TBC1D9: variants seen among roughly 807,000 people sequenced by gnomAD.
TBC1D9 encodes TBC1 domain family member 9.
A neutral mutation model predicts 132.0 loss-of-function variants in TBC1D9; 63 were observed. The ratio of observed to expected loss-of-function variants is 0.48; its 90% CI spans 0.39 to 0.59. TBC1D9 has a LOEUF of 0.59. TBC1D9 is among the 20% of genes least tolerant of loss of function. The pLI, the probability that TBC1D9 is intolerant of heterozygous loss-of-function variation, is 0.00. For synonymous variants in TBC1D9, 610 were observed against 609.9 expected, an observed-to-expected ratio of 1.00 and a Z score of 0.00; for missense variants, 1,261 against 1,592.7, an observed-to-expected ratio of 0.79 and a Z score of 3.54.
At chr4:140,695,391 G>T (rs1737937886) in intron 2 of TBC1D9, among the ~76,000 whole-genome samples, 1 of 152,176 alleles carries the variant, frequency 6.6e-6, no homozygotes, top group African/African-American at 2.4e-5. Flanking sequence ...GTAAAGAAAA[G>T]GGAAACTCAA....
intron 2 of TBC1D9, among the ~76,000 whole-genome samples, chr4:140,698,013 T>C (rs1738001225): frequency 6.6e-6 from 1 of 152,214 alleles, no homozygotes; most frequent in Non-Finnish European, 1.5e-5. Flanking sequence ...AGCGTCCTTT[T>C]CACACCGTCA....
intron 13 of TBC1D9, among the ~76,000 whole-genome samples, chr4:140,645,991 C>T (rs1375365933): frequency 6.6e-6 from 1 of 152,208 alleles, no homozygotes; most frequent in Non-Finnish European, 1.5e-5. Flanking sequence ...GAATTTAGCA[C>T]CACTTTGCAT....
intron 13 of TBC1D9, among the ~76,000 whole-genome samples, chr4:140,645,679 T>A (rs930392456): frequency 6.6e-6 from 1 of 152,230 alleles, no homozygotes; most frequent in Non-Finnish European, 1.5e-5. Flanking sequence ...TTCCAAGGCC[T>A]CTAAGCCCTT....
chr4:140,667,315 T>A (rs111330043), intron 9 of TBC1D9, among the ~76,000 whole-genome samples: 75 of 152,340 alleles, frequency 4.9e-4, no homozygotes, highest in African/African-American at 1.8e-3. Flanking sequence ...ATCTCTGAGA[T>A]AGGGCTGTGT....
At chr4:140,693,710 G>A (rs994061827) in intron 2 of TBC1D9, among the ~76,000 whole-genome samples, 10 of 152,210 alleles carry the variant, frequency 6.6e-5, no homozygotes, top group African/African-American at 2.4e-4. Context: ...GAAACTAGCT[G>A]TTTAACTATT....
At chr4:140,746,453 A>G (rs753927805) in intron 1 of TBC1D9, among the ~76,000 whole-genome samples, 35 of 152,152 alleles carry the variant, frequency 2.3e-4, no homozygotes, top group Non-Finnish European at 1.8e-4. Context: ...GGGGGTGGTT[A>G]TAAGAGGAAA....
chr4:140,711,828 C>A (rs1199745342), intron 1 of TBC1D9, among the ~76,000 whole-genome samples: 1 of 152,036 alleles, frequency 6.6e-6, no homozygotes, highest in Non-Finnish European at 1.5e-5. Context: ...ACCTATATTA[C>A]AAATTACAAT....
intron 1 of TBC1D9, among the ~76,000 whole-genome samples, chr4:140,704,661 G>A (rs1738124005): frequency 6.6e-6 from 1 of 151,972 alleles, no homozygotes; most frequent in Admixed American, 6.6e-5. Context: ...CTGAACTTTT[G>A]TCCTCTGTAA....
chr4:140,703,183 C>T (rs1004076154), intron 1 of TBC1D9, among the ~76,000 whole-genome samples: 2 of 152,162 alleles, frequency 1.3e-5, no homozygotes, highest in East Asian at 3.8e-4. Context: ...AGGCCCCAGC[C>T]TCCCTTGTTT....
intron 1 of TBC1D9, 57 bp from the exon 2 acceptor site, chr4:140,701,671 T>C (rs1738072106): frequency 1.5e-6 from 2 of 1,347,450 alleles, no homozygotes; most frequent in Middle Eastern, 2.0e-4. Context: ...TTTCCCACAT[T>C]CCCAGGGGCA....
chr4:140,679,935 T>TAAAA, intron 3 of TBC1D9, 92 bp from the exon 4 acceptor site: 1 of 865,068 alleles, frequency 1.2e-6, no homozygotes. Flanking sequence ...AGGCTAGAAT[T>TAAAA]AAAAAAAAAA....
intron 2 of TBC1D9, among the ~76,000 whole-genome samples, chr4:140,698,973 T>C (rs1738021037): frequency 1.3e-5 from 2 of 152,192 alleles, no homozygotes; most frequent in African/African-American, 4.8e-5. Flanking sequence ...TATTTACTTG[T>C]ATCCTCACTA....
intron 13 of TBC1D9, among the ~76,000 whole-genome samples, chr4:140,650,088 C>T (rs1737164411): frequency 1.3e-5 from 2 of 152,198 alleles, no homozygotes; most frequent in African/African-American, 2.4e-5. Context: ...CATTTAGTTT[C>T]AATACTCCAT....
intron 17 of TBC1D9, among the ~76,000 whole-genome samples, chr4:140,627,995 G>A (rs564810381): frequency 7.9e-5 from 12 of 152,160 alleles, no homozygotes; most frequent in Middle Eastern, 3.4e-3. Context: ...ATGTTCCTAC[G>A]CTCCTTTTCT....
At chr4:140,695,189 G>A (rs1737934503) in intron 2 of TBC1D9, among the ~76,000 whole-genome samples, 1 of 152,110 alleles carries the variant, frequency 6.6e-6, no homozygotes, top group Non-Finnish European at 1.5e-5. Flanking sequence ...AGAAGTCCTG[G>A]GATGGGAGTG....
intron 2 of TBC1D9, among the ~76,000 whole-genome samples, chr4:140,691,226 A>C (rs1399055813): frequency 1.3e-5 from 2 of 152,210 alleles, no homozygotes; most frequent in Non-Finnish European, 1.5e-5. Context: ...CTCACCCCAG[A>C]AAAAAGGGTC....
At chr4:140,647,606 T>C (rs2110986766) in intron 13 of TBC1D9, among the ~76,000 whole-genome samples, 1 of 152,356 alleles carries the variant, frequency 6.6e-6, no homozygotes, top group Admixed American at 6.5e-5. Flanking sequence ...ACATTGGCTT[T>C]GTAATCTTTT....
chr4:140,671,197 C>T (rs1737530361), intron 6 of TBC1D9, among the ~76,000 whole-genome samples: 4 of 152,134 alleles, frequency 2.6e-5, no homozygotes, highest in Admixed American at 2.0e-4. Flanking sequence ...TCTCAGGAGA[C>T]ATCTGGCAAC....
intron 2 of TBC1D9, among the ~76,000 whole-genome samples, chr4:140,687,960 T>C (rs1480779174): frequency 6.6e-6 from 1 of 152,062 alleles, no homozygotes; most frequent in Non-Finnish European, 1.5e-5. Context: ...CATGGTGGCA[T>C]GTGCCTGTAG....
Sources: allele counts gnomAD v4.1 joint callset (sites outside exome capture counted in the v4.1 genomes callset), GRCh38; gene constraint gnomAD v4.1.1; transcripts MANE v1.5; gene names NCBI Gene and HGNC (gene_info 2026-07-23, HGNC 2026-07-21).